SLC24A2: variants seen among roughly 807,000 people sequenced by gnomAD.
SLC24A2 encodes sodium/potassium/calcium exchanger 2.
Under a neutral mutation model 62.0 loss-of-function variants are expected in SLC24A2, and 36 were observed. The observed-to-expected ratio is 0.58, with a 90% CI of 0.44 to 0.77. The LOEUF (loss-of-function observed/expected upper bound fraction) is 0.77, where lower values mean the gene tolerates loss of function less well. Among genes scored for constraint, SLC24A2 ranks in the 30% least tolerant of loss-of-function variants. The pLI is 0.00. For synonymous variants in SLC24A2, 358 were observed against 294.0 expected (o/e 1.22, Z -2.23); for missense variants, 846 against 817.9 (o/e 1.03, Z -0.42).
chr9:20,224,967 G>T, the SLC24A2 span, among the ~76,000 whole-genome samples: 1 of 152,020 alleles, frequency 6.6e-6, no homozygotes, highest in Non-Finnish European at 1.5e-5. Flanking sequence ...CAAATAAGAG[G>T]TATGAAAGTC....
chr9:19,930,229 A>G, the SLC24A2 span, among the ~76,000 whole-genome samples: 1 of 152,200 alleles, frequency 6.6e-6, no homozygotes, highest in African/African-American at 2.4e-5. Context: ...CAGTCCTGCA[A>G]GCTCCATTCA....
At chr9:19,794,490 C>A in the SLC24A2 span, among the ~76,000 whole-genome samples, 8 of 151,948 alleles carry the variant, frequency 5.3e-5, no homozygotes, top group Non-Finnish European at 8.8e-5. Flanking sequence ...TTGCTGATTA[C>A]CTGGGTGACA....
the SLC24A2 span, among the ~76,000 whole-genome samples, chr9:20,190,720 G>A: frequency 6.6e-6 from 1 of 151,900 alleles, no homozygotes; most frequent in Non-Finnish European, 1.5e-5. Context: ...TTGAAATCTG[G>A]AATTAAAAAA....
At chr9:19,690,420 G>T (rs1164738241) in intron 2 of SLC24A2, among the ~76,000 whole-genome samples, 1 of 152,074 alleles carries the variant, frequency 6.6e-6, no homozygotes, top group Non-Finnish European at 1.5e-5. Flanking sequence ...GACTCAAACT[G>T]GTGAAATGCT....
At chr9:20,191,743 G>A in the SLC24A2 span, among the ~76,000 whole-genome samples, 2 of 151,642 alleles carry the variant, frequency 1.3e-5, no homozygotes, top group African/African-American at 4.9e-5. Context: ...GGGATGCTAT[G>A]CAGTGGGTAG....
At chr9:20,063,141 G>GGT in the SLC24A2 span, among the ~76,000 whole-genome samples, 1 of 139,954 alleles carries the variant, frequency 7.1e-6, no homozygotes, top group Non-Finnish European at 1.5e-5. Flanking sequence ...CCCATTACTG[G>GGT]GTATATACCC....
At chr9:20,273,471 T>C in the SLC24A2 span, among the ~76,000 whole-genome samples, 10 of 152,278 alleles carry the variant, frequency 6.6e-5, no homozygotes, top group African/African-American at 1.9e-4. Context: ...AGGAACCCTG[T>C]GGGAGATGAT....
chr9:19,878,584 A>C, the SLC24A2 span, among the ~76,000 whole-genome samples: 2 of 152,148 alleles, frequency 1.3e-5, no homozygotes, highest in African/African-American at 4.8e-5. Context: ...TGATTGGATC[A>C]TGGGGGTGGA....
At chr9:19,544,129 T>C (rs903159212) in intron 8 of SLC24A2, among the ~76,000 whole-genome samples, 3 of 152,192 alleles carry the variant, frequency 2.0e-5, no homozygotes, top group African/African-American at 4.8e-5. Flanking sequence ...GGTGTGCATA[T>C]ATATTTAGGA....
the SLC24A2 span, among the ~76,000 whole-genome samples, chr9:19,837,107 C>T: frequency 6.6e-6 from 1 of 152,162 alleles, no homozygotes; most frequent in East Asian, 1.9e-4. Flanking sequence ...TATGACAAAC[C>T]CACAGCCAAT....
the SLC24A2 span, among the ~76,000 whole-genome samples, chr9:20,009,828 T>C: frequency 6.6e-6 from 1 of 152,102 alleles, no homozygotes; most frequent in African/African-American, 2.4e-5. Flanking sequence ...GTGTTCTGGT[T>C]AAGCTTCCTC....
the SLC24A2 span, among the ~76,000 whole-genome samples, chr9:20,260,197 T>TTCTTGCCCTC: frequency 2.0e-5 from 3 of 152,274 alleles, no homozygotes; most frequent in African/African-American, 7.2e-5. Flanking sequence ...GGTTTGGCCC[T>TTCTTGCCCTC]TCTTGCCCTC....
intron 4 of SLC24A2, among the ~76,000 whole-genome samples, chr9:19,606,811 G>A: frequency 6.6e-6 from 1 of 152,202 alleles, no homozygotes; most frequent in Non-Finnish European, 1.5e-5. Context: ...TGTTGTGGGT[G>A]GGAGAATTCT....
the SLC24A2 span, among the ~76,000 whole-genome samples, chr9:19,933,118 G>T: frequency 6.6e-6 from 1 of 152,186 alleles, no homozygotes; most frequent in Non-Finnish European, 1.5e-5. Flanking sequence ...CAGGTTCTAG[G>T]AGCAGAACCA....
the SLC24A2 span, among the ~76,000 whole-genome samples, chr9:20,019,268 A>AAAGG: frequency 2.1e-5 from 3 of 143,882 alleles, no homozygotes; most frequent in African/African-American, 7.8e-5. Flanking sequence ...AGAAAGAAAG[A>AAAGG]AAGAAAGAAA....
the SLC24A2 span, among the ~76,000 whole-genome samples, chr9:19,908,736 T>C: frequency 1.3e-5 from 2 of 152,110 alleles, no homozygotes; most frequent in Non-Finnish European, 2.9e-5. Context: ...AAAAAATGCT[T>C]ATCATCACTG....
chr9:19,989,425 C>G, the SLC24A2 span, among the ~76,000 whole-genome samples: 1 of 152,146 alleles, frequency 6.6e-6, no homozygotes, highest in Non-Finnish European at 1.5e-5. Flanking sequence ...CATGAGTGCA[C>G]TACTATTACT....
chr9:20,067,235 T>G, the SLC24A2 span, among the ~76,000 whole-genome samples: 2 of 152,224 alleles, frequency 1.3e-5, no homozygotes, highest in Admixed American at 6.5e-5. Flanking sequence ...TTCAGAGAAC[T>G]ATTACATGAT....
the SLC24A2 span, among the ~76,000 whole-genome samples, chr9:20,245,885 G>A: frequency 1.3e-5 from 2 of 152,124 alleles, no homozygotes; most frequent in African/African-American, 4.8e-5. Flanking sequence ...TATAATTTAG[G>A]TACTATTATT....
Sources: allele counts gnomAD v4.1 joint callset (sites outside exome capture counted in the v4.1 genomes callset), GRCh38; gene constraint gnomAD v4.1.1; transcripts MANE v1.5; gene names NCBI Gene and HGNC (gene_info 2026-07-23, HGNC 2026-07-21).